Variants in ARID2 observed in about 807,000 individuals in gnomAD.
ARID2 encodes the protein AT-rich interactive domain-containing protein 2.
ARID2 carries 32 observed loss-of-function variants against 184.6 expected under a neutral mutation model. The ratio of observed to expected loss-of-function variants is 0.17; its 90% CI spans 0.13 to 0.23. The LOEUF is 0.23. Among genes scored for constraint, ARID2 ranks in the 10% least tolerant of loss-of-function variants. The pLI, the probability that ARID2 is intolerant of heterozygous loss-of-function variation, is 1.00. For missense variants in ARID2, 1,696 were observed against 2,197.6 expected, an observed-to-expected ratio of 0.77 and a Z score of 4.56; for synonymous variants, 836 against 772.6, an observed-to-expected ratio of 1.08 and a Z score of -1.36.
chr12:45,773,704 A>G (rs1457200091), intron 3 of ARID2, among the ~76,000 whole-genome samples: 2 of 152,182 alleles, frequency 1.3e-5, no homozygotes, highest in African/African-American at 2.4e-5. Flanking sequence ...GACAATGTAA[A>G]TAGACCTATA....
intron 18 of ARID2, among the ~76,000 whole-genome samples, chr12:45,892,383 T>C (rs1157763466): frequency 6.6e-6 from 1 of 152,156 alleles, no homozygotes; most frequent in Non-Finnish European, 1.5e-5. Flanking sequence ...ATATGAGAAA[T>C]GCTTTGTAAA....
chr12:45,871,610 G>T (rs953104148), intron 16 of ARID2, among the ~76,000 whole-genome samples: 5 of 152,144 alleles, frequency 3.3e-5, no homozygotes, highest in African/African-American at 1.2e-4. Flanking sequence ...GGGTTATGCT[G>T]TCCTCATAGA....
At chr12:45,888,209 A>G (rs1944229475) in intron 16 of ARID2, among the ~76,000 whole-genome samples, 1 of 151,802 alleles carries the variant, frequency 6.6e-6, no homozygotes, top group Non-Finnish European at 1.5e-5. Context: ...AAAAAAAAAA[A>G]GCTCTAATGA....
At chr12:45,788,491 A>C (rs972503819) in intron 3 of ARID2, among the ~76,000 whole-genome samples, 5 of 152,292 alleles carry the variant, frequency 3.3e-5, no homozygotes, top group African/African-American at 9.6e-5. Context: ...AGAAATTGTT[A>C]ATGATTACTT....
chr12:45,869,723 A>C (rs1943890343), intron 16 of ARID2, among the ~76,000 whole-genome samples: 1 of 151,846 alleles, frequency 6.6e-6, no homozygotes. Flanking sequence ...TCTCTACTAA[A>C]AATGTGAACA....
intron 3 of ARID2, among the ~76,000 whole-genome samples, chr12:45,773,610 G>A (rs553308559): frequency 6.6e-6 from 1 of 151,956 alleles, no homozygotes; most frequent in Non-Finnish European, 1.5e-5. Flanking sequence ...AGTAGCAGCT[G>A]TATGCCAATA....
At chr12:45,881,851 C>T (rs1944109708) in intron 16 of ARID2, 3 of 226,604 alleles carry the variant, frequency 1.3e-5, no homozygotes, top group South Asian at 1.5e-4. Context: ...TTGAACTTCT[C>T]GCCAACTCTG....
At chr12:45,840,699 C>T (rs1943328163) in intron 11 of ARID2, 1 of 152,138 alleles carries the variant, frequency 6.6e-6, no homozygotes, top group Non-Finnish European at 1.5e-5. Context: ...TGAGATTGAA[C>T]TCTCATCATC....
chr12:45,836,709 ATAT>A (rs1185713813), intron 7 of ARID2, 29 bp from the exon 8 acceptor site: 1 of 1,599,270 alleles, frequency 6.3e-7, no homozygotes, highest in East Asian at 2.2e-5. Flanking sequence ...AATAAATGAA[ATAT>A]TAAGTGAAAT....
At chr12:45,776,781 C>CTTTTT (rs745431917) in intron 3 of ARID2, among the ~76,000 whole-genome samples, 3 of 112,440 alleles carry the variant, frequency 2.7e-5, no homozygotes, top group Non-Finnish European at 3.6e-5. Flanking sequence ...GAGATTCCGG[C>CTTTTT]TTTTTTTTTT....
At chr12:45,867,636 G>A (rs1215512731) in intron 16 of ARID2, among the ~76,000 whole-genome samples, 1 of 151,658 alleles carries the variant, frequency 6.6e-6, no homozygotes, top group East Asian at 2.0e-4. Flanking sequence ...CCAGCTACTC[G>A]GGAGGCTGAG....
chr12:45,894,393 C>A (rs1276076084), intron 20 of ARID2, among the ~76,000 whole-genome samples: 1 of 152,168 alleles, frequency 6.6e-6, no homozygotes, highest in African/African-American at 2.4e-5. Flanking sequence ...CACTTTCTAT[C>A]TCAGGCCCTC....
intron 3 of ARID2, among the ~76,000 whole-genome samples, chr12:45,810,499 T>C (rs762967807): frequency 3.3e-5 from 5 of 152,144 alleles, no homozygotes; most frequent in Non-Finnish European, 7.4e-5. Context: ...TTAAGTTTAT[T>C]ACCAAAAAAC....
At chr12:45,811,301 ATTTTTATTAAT>A in intron 3 of ARID2, 106 bp from the exon 4 acceptor site, 5 of 1,131,710 alleles carry the variant, frequency 4.4e-6, no homozygotes, top group Non-Finnish European at 6.0e-6. Context: ...GGTTTATGGT[ATTTTTATTAAT>A]TTTTTTAGAT....
chr12:45,730,496 C>G (rs1940967176), intron 2 of ARID2, among the ~76,000 whole-genome samples: 1 of 151,488 alleles, frequency 6.6e-6, no homozygotes, highest in Non-Finnish European at 1.5e-5. Flanking sequence ...CCCGCTCGCT[C>G]GCGAGTCAGC....
chr12:45,758,496 C>T (rs1402985572), intron 3 of ARID2, among the ~76,000 whole-genome samples: 1 of 152,068 alleles, frequency 6.6e-6, no homozygotes, highest in Non-Finnish European at 1.5e-5. Context: ...ATTGAACACC[C>T]CTGCTCTACA....
intron 4 of ARID2, among the ~76,000 whole-genome samples, chr12:45,814,878 A>T (rs951454515): frequency 6.6e-6 from 1 of 152,224 alleles, no homozygotes; most frequent in Admixed American, 6.5e-5. Context: ...CTGTTAATGT[A>T]TGCAGTCTCC....
chr12:45,883,531 C>CT (rs1160066492), intron 16 of ARID2, among the ~76,000 whole-genome samples: 2 of 147,622 alleles, frequency 1.4e-5, no homozygotes, highest in Admixed American at 1.4e-4. Flanking sequence ...TATACCAATG[C>CT]TAACCTCTTA....
chr12:45,824,047 C>T (rs1942948088), intron 6 of ARID2, among the ~76,000 whole-genome samples: 1 of 152,066 alleles, frequency 6.6e-6, no homozygotes, highest in South Asian at 2.1e-4. Flanking sequence ...AAAATGCTAG[C>T]AAACCAAATC....
Sources: gnomAD v4.1 joint callset for allele counts (sites outside exome capture counted in the v4.1 genomes callset) on GRCh38, gnomAD v4.1.1 for gene constraint, MANE v1.5 for transcripts, NCBI Gene and HGNC (gene_info 2026-07-23, HGNC 2026-07-21) for gene names.